The following ANO5 variants were observed in gnomAD, a reference collection of about 807,000 sequenced individuals.
ANO5 encodes the protein anoctamin-5.
Under a neutral mutation model 121.0 loss-of-function variants are expected in ANO5, and 109 were observed. That is an observed-to-expected ratio of 0.90 (90% CI 0.77 to 1.06). The LOEUF is 1.06. ANO5 is among the 50% of genes least tolerant of loss of function. ANO5 has a pLI of 0.00. For synonymous variants in ANO5, 406 were observed against 359.9 expected, an observed-to-expected ratio of 1.13 and a Z score of -1.45; for missense variants, 1,064 against 1,078.5, an observed-to-expected ratio of 0.99 and a Z score of 0.19.
Position 22,282,598 on chromosome 11 carries a change from C to A in ANO5, c.*2833C>A, listed in dbSNP as rs903066402. ...GTTTCTTTGGAAGAAAGAGCTGTTC[C>A]GAGGAAGTTTGGTCCAGCTGTGGTT... On this transcript the variant is annotated 3_prime_UTR_variant, in exon 22 of 22. Transcript: ENST00000324559. 1 of 152,018 alleles carries A rather than the reference C, an allele frequency of 6.6e-6. No individual in the cohort carries two copies. Among genetic ancestry groups the A allele is most frequent in the African/African-American group, 2.4e-5 (1 of 41,402 alleles). 9.4% of individuals were successfully genotyped at this position (152,018 alleles called of 1,614,324 possible).
intron 6 of ANO5, 39 bp from the exon 7 acceptor site, chr11:22,227,263 C>T (rs373650980): frequency 5.0e-6 from 8 of 1,607,530 alleles, no homozygotes; most frequent in Middle Eastern, 1.8e-4. Context: ...ACAAACTGAT[C>T]AGTAAGCTTT....
intron 20 of ANO5, 42 bp from the exon 21 acceptor site, chr11:22,276,052 C>A (rs1854828646): frequency 3.2e-6 from 4 of 1,255,860 alleles, no homozygotes; most frequent in South Asian, 2.5e-5. Flanking sequence ...GAAGCTATAA[C>A]TATTATTATT....
chr11:22,272,046 A>G (rs1265513615), intron 18 of ANO5, among the ~76,000 whole-genome samples: 1 of 152,144 alleles, frequency 6.6e-6, no homozygotes, highest in Admixed American at 6.5e-5. Flanking sequence ...AGCCATTTCC[A>G]TTAAATGGCT....
chr11:22,250,145 A>G (rs1853755908), intron 9 of ANO5, 92 bp from the exon 10 acceptor site: 1 of 1,264,292 alleles, frequency 7.9e-7, no homozygotes, highest in Non-Finnish European at 1.1e-6. Flanking sequence ...GTGGAGCCAA[A>G]ATTAGAATAT....
chr11:22,262,036 A>G (rs1854203279), intron 15 of ANO5, 93 bp from the exon 16 acceptor site: 3 of 1,237,814 alleles, frequency 2.4e-6, no homozygotes, highest in South Asian at 2.5e-5. Flanking sequence ...GGCTCCCAGA[A>G]TGATGTGACT....
chr11:22,269,766 T>G (rs766907645), intron 17 of ANO5, among the ~76,000 whole-genome samples: 31 of 152,326 alleles, frequency 2.0e-4, no homozygotes, highest in Admixed American at 5.2e-4. Context: ...CCAGTCAATG[T>G]GATATATTTA....
intron 2 of ANO5, among the ~76,000 whole-genome samples, chr11:22,208,580 A>G (rs1301833912): frequency 6.6e-6 from 1 of 152,014 alleles, no homozygotes; most frequent in African/African-American, 2.4e-5. Context: ...ATCCTTGTGG[A>G]TGGAATAGCT....
rs757947963 is a variant in ANO5 at position 22,236,188 on chromosome 11, C to G, written c.674C>G (p.Pro225Arg). The change falls in exon 8 of 22, where the codon CCT becomes CGT. Residue 225 changes from proline (P) to arginine (R), a missense_variant. Pro to Arg is a moderately radical substitution (Grantham distance 103). Coordinates refer to ENST00000324559, the MANE Select transcript of ANO5 (RefSeq NM_213599.3). Reference sequence around the variant, plus strand: ...GTGTACTATATTCTCTCAAGATGTCCTTTTGGCATAGAAGATGGGAAGAAA... The same window carrying G: ...GTGTACTATATTCTCTCAAGATGTCGTTTTGGCATAGAAGATGGGAAGAAA... Reference protein sequence around the residue: ...RIVYYILSRCPFGIEDGKKRF... With the variant: ...RIVYYILSRCRFGIEDGKKRF... 2 of 1,613,006 alleles carry G rather than the reference C, an allele frequency of 1.2e-6. No homozygotes were observed. Among genetic ancestry groups the G allele is most frequent in the Non-Finnish European group, 1.7e-6 (2 of 1,179,296 alleles).
intron 19 of ANO5, among the ~76,000 whole-genome samples, chr11:22,274,352 G>C (rs992250666): frequency 1.3e-5 from 2 of 152,038 alleles, no homozygotes; most frequent in African/African-American, 4.8e-5. Flanking sequence ...TCTCTACTTA[G>C]CCACTTTGTA....
chr11:22,233,184 T>C (rs1437771866), intron 7 of ANO5, among the ~76,000 whole-genome samples: 1 of 151,606 alleles, frequency 6.6e-6, no homozygotes, highest in Non-Finnish European at 1.5e-5. Context: ...TAAACTCCCA[T>C]GGAGACTGGG....
At chr11:22,209,011 A>G (rs961964832) in intron 2 of ANO5, among the ~76,000 whole-genome samples, 1 of 151,952 alleles carries the variant, frequency 6.6e-6, no homozygotes, top group Non-Finnish European at 1.5e-5. Context: ...TTGAGGCAGA[A>G]CTAGAATCAA....
At chr11:22,267,010 T>A (rs1397855078) in intron 17 of ANO5, among the ~76,000 whole-genome samples, 1 of 152,220 alleles carries the variant, frequency 6.6e-6, no homozygotes, top group Non-Finnish European at 1.5e-5. Flanking sequence ...AATTTATCAA[T>A]CTTTTATTTT....
chr11:22,202,424 G>A (rs895169985), intron 1 of ANO5, among the ~76,000 whole-genome samples: 2 of 151,442 alleles, frequency 1.3e-5, no homozygotes, highest in African/African-American at 4.9e-5. Flanking sequence ...GTCATACTTG[G>A]GTTGTGAAAA....
intron 15 of ANO5, among the ~76,000 whole-genome samples, chr11:22,260,515 T>A (rs1028954358): frequency 6.6e-6 from 1 of 152,222 alleles, no homozygotes; most frequent in Non-Finnish European, 1.5e-5. Context: ...TTTCATTATA[T>A]ACTATCTTCA....
chr11:22,198,432 T>G (rs886078412), intron 1 of ANO5, among the ~76,000 whole-genome samples: 1 of 152,186 alleles, frequency 6.6e-6, no homozygotes, highest in Non-Finnish European at 1.5e-5. Flanking sequence ...GGTTAAAGTG[T>G]GAAAGGAGAG....
chr11:22,280,983 A>G lies in ANO5; in HGVS notation c.*1218A>G, dbSNP rs1855054790. 6.6e-6 allele frequency: 1 copy of G among 151,960 alleles called. No homozygotes were observed. Among genetic ancestry groups the G allele is most frequent in the African/African-American group, 2.4e-5 (1 of 41,424 alleles). 9.4% of individuals were successfully genotyped at this position (151,960 alleles called of 1,614,324 possible). Reference sequence around the variant, plus strand: ...TCATGGACTTAATAATCTAAGGGGGAAAAAATGTTTGTTGAATTATTCCTC... The same window carrying G: ...TCATGGACTTAATAATCTAAGGGGGGAAAAATGTTTGTTGAATTATTCCTC... On this transcript the variant is annotated 3_prime_UTR_variant, in exon 22 of 22. Transcript: ENST00000324559.
intron 4 of ANO5, among the ~76,000 whole-genome samples, 170 bp from the exon 5 acceptor site, chr11:22,220,927 T>C (rs1289447380): frequency 6.6e-6 from 1 of 152,032 alleles, no homozygotes; most frequent in African/African-American, 2.4e-5. Context: ...TGAGTCATTA[T>C]TGCTTAATCT....
Position 22,226,057 on chromosome 11 carries a change from A to G in ANO5, c.363+5A>G. 1 of 1,593,058 alleles carries G rather than the reference A, an allele frequency of 6.3e-7. No homozygotes were observed. Among genetic ancestry groups the G allele is most frequent in the Non-Finnish European group, 8.6e-7 (1 of 1,161,594 alleles). On this transcript the variant is annotated splice_donor_5th_base_variant and intron_variant, in intron 6 of 21. Coordinates refer to ENST00000324559, the MANE Select transcript of ANO5 (RefSeq NM_213599.3). Reference sequence around the variant, plus strand: ...TTGGAAATAGAAGACAAAAGGGTAAATGTAGTTGATAATTTATACAAGCCT... The same window carrying G: ...TTGGAAATAGAAGACAAAAGGGTAAGTGTAGTTGATAATTTATACAAGCCT...
intron 1 of ANO5, among the ~76,000 whole-genome samples, chr11:22,198,660 C>A (rs1205862814): frequency 6.6e-6 from 1 of 152,080 alleles, no homozygotes; most frequent in Admixed American, 6.6e-5. Flanking sequence ...ACTCTTTAAA[C>A]CTAGCTTAAG....
Sources: gnomAD v4.1 joint callset for allele counts (sites outside exome capture counted in the v4.1 genomes callset) on GRCh38, gnomAD v4.1.1 for gene constraint, MANE v1.5 for transcripts, NCBI Gene and HGNC (gene_info 2026-07-23, HGNC 2026-07-21) for gene names.